The following CEP112 variants were observed in gnomAD, a reference collection of about 807,000 sequenced individuals.
The protein encoded by CEP112 is centrosomal protein 112.
In CEP112, 127 loss-of-function variants were observed where a neutral mutation model predicts 153.0. The observed-to-expected ratio is 0.83, with a 90% CI of 0.72 to 0.96. The LOEUF (loss-of-function observed/expected upper bound fraction) is 0.96. Among genes scored for constraint, CEP112 ranks in the 40% least tolerant of loss-of-function variants. The pLI is 0.00. For missense variants in CEP112, 1,089 were observed against 1,101.2 expected (o/e 0.99, Z 0.16); for synonymous variants, 358 against 374.4 (o/e 0.96, Z 0.51).
chr17:65,767,852 C>A (rs6416947), intron 21 of CEP112, among the ~76,000 whole-genome samples: 72,283 of 151,256 alleles, frequency 0.48, 18,864 homozygotes, highest in East Asian at 0.78. Context: ...AGGCCAACAA[C>A]AAATGAAGAG....
At chr17:65,853,367 C>T (rs1419784618) in intron 20 of CEP112, among the ~76,000 whole-genome samples, 1 of 152,112 alleles carries the variant, frequency 6.6e-6, no homozygotes, top group Non-Finnish European at 1.5e-5. Flanking sequence ...TATAAGGACA[C>T]TGGTCATACT....
At chr17:65,902,061 G>T in intron 20 of CEP112, 91 bp downstream of exon 20, 1 of 678,830 alleles carries the variant, frequency 1.5e-6, no homozygotes, top group Non-Finnish European at 2.2e-6. Flanking sequence ...TGATCAAACA[G>T]CGTGCATCAA....
intron 19 of CEP112, chr17:65,913,661 T>G: frequency 7.1e-6 from 7 of 985,402 alleles, no homozygotes; most frequent in Non-Finnish European, 8.4e-6. Flanking sequence ...ATAACCGCTG[T>G]TAGAGATGGT....
chr17:65,987,257 A>G (rs2063443459), intron 17 of CEP112, among the ~76,000 whole-genome samples: 1 of 152,032 alleles, frequency 6.6e-6, no homozygotes, highest in African/African-American at 2.4e-5. Context: ...TAAGATGAAA[A>G]ATAGAAAAGA....
intron 20 of CEP112, among the ~76,000 whole-genome samples, chr17:65,867,394 T>TGGCCACAGA (rs2146459808): frequency 6.6e-6 from 1 of 152,326 alleles, no homozygotes; most frequent in East Asian, 1.9e-4. Flanking sequence ...AAGACGCCAC[T>TGGCCACAGA]GGCCACAGAG....
chr17:65,749,540 TA>T (rs1393037859), intron 22 of CEP112, among the ~76,000 whole-genome samples: 1 of 151,608 alleles, frequency 6.6e-6, no homozygotes, highest in Non-Finnish European at 1.5e-5. Flanking sequence ...TAAAATAAAA[TA>T]AAAGGAAGGG....
intron 23 of CEP112, among the ~76,000 whole-genome samples, chr17:65,707,413 C>G (rs1370881736): frequency 1.3e-5 from 2 of 152,176 alleles, no homozygotes; most frequent in Admixed American, 1.3e-4. Flanking sequence ...CCATCTCCCT[C>G]CCATACATTC....
At chr17:65,960,333 A>G (rs538190047) in intron 18 of CEP112, among the ~76,000 whole-genome samples, 1 of 152,336 alleles carries the variant, frequency 6.6e-6, no homozygotes, top group African/African-American at 2.4e-5. Context: ...AAATCTGTTC[A>G]TATTTATATA....
intron 8 of CEP112, among the ~76,000 whole-genome samples, chr17:66,072,720 T>A (rs1440558263): frequency 6.6e-6 from 1 of 152,158 alleles, no homozygotes. Flanking sequence ...ACAAAGAAAG[T>A]CTCTCCACTG....
At chr17:66,176,577 A>T (rs2072483821) in intron 3 of CEP112, 2 of 298,984 alleles carry the variant, frequency 6.7e-6, no homozygotes, top group Middle Eastern at 9.0e-4. Context: ...CAATATAAAA[A>T]ATTTCGTTTT....
intron 18 of CEP112, among the ~76,000 whole-genome samples, chr17:65,937,504 C>T (rs2061359746): frequency 7.2e-6 from 1 of 138,444 alleles, no homozygotes; most frequent in Non-Finnish European, 1.6e-5. Context: ...TGCCTGGCAA[C>T]CGCCCCGTCT....
At chr17:65,672,381 TA>T (rs1000242177) in intron 24 of CEP112, among the ~76,000 whole-genome samples, 4 of 151,164 alleles carry the variant, frequency 2.6e-5, no homozygotes, top group Admixed American at 6.6e-5. Flanking sequence ...TCAGTGGGAT[TA>T]AAAAAAAATG....
At chr17:66,141,978 T>C (rs575307317) in intron 4 of CEP112, among the ~76,000 whole-genome samples, 115 of 152,284 alleles carry the variant, frequency 7.6e-4, no homozygotes, top group Non-Finnish European at 1.3e-3. Context: ...AATGGCTATA[T>C]CAATTTATGT....
chr17:65,821,712 C>T (rs575832813), intron 21 of CEP112, among the ~76,000 whole-genome samples: 18 of 150,536 alleles, frequency 1.2e-4, no homozygotes, highest in African/African-American at 3.9e-4. Context: ...CCACCACACC[C>T]GGCTAATTTT....
chr17:65,998,869 G>A (rs1269815357), intron 17 of CEP112, among the ~76,000 whole-genome samples: 1 of 152,144 alleles, frequency 6.6e-6, no homozygotes, highest in African/African-American at 2.4e-5. Context: ...GAAGTTGGAC[G>A]GATGACAACC....
chr17:66,031,768 T>C (rs2065497971), intron 12 of CEP112, among the ~76,000 whole-genome samples: 1 of 151,804 alleles, frequency 6.6e-6, no homozygotes. Flanking sequence ...AGTGAAAGAT[T>C]TAATTAGTAG....
chr17:65,800,925 T>C (rs62065080), intron 21 of CEP112, among the ~76,000 whole-genome samples: 2,072 of 152,310 alleles, frequency 0.014, 20 homozygotes, highest in African/African-American at 0.024. Context: ...TTTGGAGAAA[T>C]GTCTATTCAA....
At chr17:66,114,349 A>G (rs899573064) in intron 6 of CEP112, among the ~76,000 whole-genome samples, 1 of 152,150 alleles carries the variant, frequency 6.6e-6, no homozygotes, top group African/African-American at 2.4e-5. Flanking sequence ...ATTACTTGGC[A>G]TTTGGTCAAA....
chr17:65,724,881 C>T (rs990843685), intron 23 of CEP112, among the ~76,000 whole-genome samples: 4 of 152,154 alleles, frequency 2.6e-5, no homozygotes, highest in African/African-American at 9.7e-5. Flanking sequence ...ACAGCCCCTC[C>T]TGCTGCCCCC....
Sources: allele counts gnomAD v4.1 joint callset (sites outside exome capture counted in the v4.1 genomes callset), GRCh38; gene constraint gnomAD v4.1.1; transcripts MANE v1.5; gene names NCBI Gene and HGNC (gene_info 2026-07-23, HGNC 2026-07-21).